IGFL2: variants seen among roughly 807,000 people sequenced by gnomAD.
IGFL2 encodes the protein insulin growth factor-like family member 2.
IGFL2 carries 7 observed loss-of-function variants against 13.9 expected under a neutral mutation model. The observed-to-expected ratio is 0.51, with a 90% CI of 0.29 to 0.95. The LOEUF is 0.95. IGFL2 is among the 40% of genes least tolerant of loss of function. The pLI is 0.08. For synonymous variants in IGFL2, 55 were observed against 55.8 expected (o/e 0.99, Z 0.07); for missense variants, 138 against 147.8 (o/e 0.93, Z 0.34).
the IGFL2 span, among the ~76,000 whole-genome samples, chr19:46,186,370 T>G: frequency 6.6e-6 from 1 of 152,172 alleles, no homozygotes; most frequent in South Asian, 2.1e-4. Context: ...GAATTTTGGA[T>G]GGGATATTAC....
At chr19:46,153,620 C>G (rs144547377) in intron 1 of IGFL2, among the ~76,000 whole-genome samples, 1 of 151,872 alleles carries the variant, frequency 6.6e-6, no homozygotes, top group Non-Finnish European at 1.5e-5. Context: ...AAGAAATAAG[C>G]AATTATACTG....
At chr19:46,114,934 T>C in the IGFL2 span, among the ~76,000 whole-genome samples, 1 of 152,172 alleles carries the variant, frequency 6.6e-6, no homozygotes, top group Non-Finnish European at 1.5e-5. Flanking sequence ...GCCCAGAAAT[T>C]TGCATTTTCA....
the IGFL2 span, chr19:46,212,908 T>G: frequency 6.6e-6 from 1 of 152,292 alleles, no homozygotes; most frequent in South Asian, 2.1e-4. Flanking sequence ...CAGAGGAGTG[T>G]GAGTCCCAGG....
At chr19:46,165,280 C>T (rs558237671), downstream of IGFL2, among the ~76,000 whole-genome samples, 14 of 152,342 alleles carry the variant, frequency 9.2e-5, no homozygotes, top group East Asian at 1.5e-3. Flanking sequence ...TGTAGTATTC[C>T]GGTCCCAACT....
At chr19:46,143,474 C>T (rs1249698104), upstream of IGFL2, among the ~76,000 whole-genome samples, 9 of 150,280 alleles carry the variant, frequency 6.0e-5, no homozygotes, top group African/African-American at 2.0e-4. Context: ...AATCATGGCT[C>T]GCTCCAGCCT....
the IGFL2 span, among the ~76,000 whole-genome samples, chr19:46,106,888 T>A: frequency 3.5e-4 from 53 of 152,124 alleles, no homozygotes; most frequent in African/African-American, 1.2e-3. Flanking sequence ...AGGGATCCCA[T>A]GCTTGTGGAT....
At chr19:46,200,451 G>T in the IGFL2 span, among the ~76,000 whole-genome samples, 6 of 138,698 alleles carry the variant, frequency 4.3e-5, no homozygotes, top group Non-Finnish European at 9.6e-5. Context: ...TGGGATTACA[G>T]GTGTGAGCCA....
the IGFL2 span, among the ~76,000 whole-genome samples, chr19:46,132,349 A>G: frequency 6.6e-6 from 1 of 152,224 alleles, no homozygotes; most frequent in South Asian, 2.1e-4. Context: ...CAAGAGGCCA[A>G]CCAGTGGGTT....
the IGFL2 span, among the ~76,000 whole-genome samples, chr19:46,189,434 T>A: frequency 6.6e-6 from 1 of 152,106 alleles, no homozygotes; most frequent in Non-Finnish European, 1.5e-5. Context: ...GCCTGACGGA[T>A]GTCAGGCCCT....
chr19:46,116,674 G>A, the IGFL2 span, among the ~76,000 whole-genome samples: 2 of 152,124 alleles, frequency 1.3e-5, no homozygotes, highest in African/African-American at 2.4e-5. Context: ...ACTGAAGCGG[G>A]CCAATTAGTA....
the IGFL2 span, among the ~76,000 whole-genome samples, chr19:46,172,214 A>T: frequency 5.0e-4 from 76 of 152,228 alleles, no homozygotes; most frequent in African/African-American, 1.8e-3. Context: ...AAAGTGGCAA[A>T]TTGTCCTGAT....
chr19:46,093,747 A>G, the IGFL2 span, among the ~76,000 whole-genome samples: 20 of 152,216 alleles, frequency 1.3e-4, no homozygotes, highest in Non-Finnish European at 2.6e-4. Flanking sequence ...ACTATAAACA[A>G]TAGTCTATGG....
the IGFL2 span, among the ~76,000 whole-genome samples, chr19:46,118,700 G>A: frequency 2.0e-5 from 3 of 152,184 alleles, no homozygotes; most frequent in African/African-American, 7.2e-5. Flanking sequence ...CTGCAAGGAG[G>A]CAGAGGGGAG....
chr19:46,159,460 A>G (rs1474161147), intron 1 of IGFL2: 1 of 152,186 alleles, frequency 6.6e-6, no homozygotes, highest in African/African-American at 2.4e-5. Flanking sequence ...CCAGGAGAGG[A>G]AAAAGGTTAT....
At chr19:46,175,569 G>A in the IGFL2 span, among the ~76,000 whole-genome samples, 4 of 151,980 alleles carry the variant, frequency 2.6e-5, no homozygotes, top group African/African-American at 4.8e-5. Context: ...AGACAGTCTC[G>A]CTGTGTCACC....
chr19:46,119,840 G>A, the IGFL2 span, among the ~76,000 whole-genome samples: 81 of 150,870 alleles, frequency 5.4e-4, 5 homozygotes, highest in African/African-American at 1.7e-3. Flanking sequence ...GCAGGAGCCC[G>A]GGTAGGTGTG....
the IGFL2 span, chr19:46,209,475 C>G: frequency 2.0e-5 from 3 of 152,172 alleles, no homozygotes; most frequent in African/African-American, 7.2e-5. Context: ...CCCAGGCTGT[C>G]AACAGCATCA....
chr19:46,143,510 C>T (rs1018423295), upstream of IGFL2, among the ~76,000 whole-genome samples: 36 of 151,766 alleles, frequency 2.4e-4, no homozygotes, highest in Non-Finnish European at 3.7e-4. Context: ...AAGCAATCCT[C>T]CTGCTTCAGC....
At chr19:46,159,820 T>C (rs1974045030) in intron 1 of IGFL2, 1 of 152,536 alleles carries the variant, frequency 6.6e-6, no homozygotes, top group Non-Finnish European at 1.5e-5. Flanking sequence ...AATAGAAAAT[T>C]ACCTGGGCAT....
Sources: allele counts gnomAD v4.1 joint callset (sites outside exome capture counted in the v4.1 genomes callset), GRCh38; gene constraint gnomAD v4.1.1; transcripts MANE v1.5; gene names NCBI Gene and HGNC (gene_info 2026-07-23, HGNC 2026-07-21).